Variants in APOOL observed in about 807,000 individuals in gnomAD.
The protein encoded by APOOL is MICOS complex subunit MIC27.
A neutral mutation model predicts 23.1 loss-of-function variants in APOOL; 12 were observed. The observed-to-expected ratio is 0.52, with a 90% CI of 0.33 to 0.84. APOOL has a LOEUF of 0.84. Ranked by LOEUF, APOOL falls within the 40% of genes least tolerant of loss-of-function variation. APOOL has a pLI of 0.02. For missense variants in APOOL, 212 were observed against 199.6 expected (o/e 1.06, Z -0.37); for synonymous variants, 77 against 69.9 (o/e 1.10, Z -0.51).
At chrX:85,075,721 C>T (rs1923815180) in intron 8 of APOOL, among the ~76,000 whole-genome samples, 1 of 111,503 alleles carries the variant, frequency 9.0e-6, no homozygotes, top group Non-Finnish European at 1.9e-5. Flanking sequence ...CAAAACCTTT[C>T]CAAGCTAATG....
chrX:85,020,643 A>C (rs1921631230), intron 1 of APOOL, among the ~76,000 whole-genome samples: 1 of 111,021 alleles, frequency 9.0e-6, no homozygotes. Context: ...CAGGTTCTGG[A>C]CTGTCCTCAA....
In APOOL at chrX:85,093,189, C is replaced by T. The variant is rs768717647; in HGVS notation, c.*5511C>T. Reference sequence around the variant, plus strand: ...AATACTAATTGTAATACATACCTGACTTAGCCTCTTCAGCATTTCAGCTCC... The same window carrying T: ...AATACTAATTGTAATACATACCTGATTTAGCCTCTTCAGCATTTCAGCTCC... On this transcript the variant is annotated 3_prime_UTR_variant, in exon 9 of 9. Transcript: ENST00000373173. 3 of 1,163,225 alleles carry T rather than the reference C, an allele frequency of 2.6e-6. No homozygotes were observed. The highest frequency in any genetic ancestry group is 3.5e-6 in the Non-Finnish European group (3 of 869,334).
rs1211563679 is a variant in APOOL at position 85,090,851 on chromosome X, C to T, written c.*3173C>T. 1 of 111,898 alleles carries T rather than the reference C, an allele frequency of 8.9e-6. No homozygotes were observed. Among genetic ancestry groups the T allele is most frequent in the Non-Finnish European group, 1.9e-5 (1 of 53,265 alleles). The allele number at this position is 111,898 out of a possible 1,213,427, so 9.2% of individuals were successfully genotyped here. A position where few individuals can be genotyped will look rare whatever the true frequency, so the allele number is the denominator to read the frequency against. On this transcript the variant is annotated 3_prime_UTR_variant, in exon 9 of 9. Transcript: ENST00000373173. ...TTTAGAGATAGGTATTGCTATGTTG[C>T]CCAGGCTGGTCTCAAACTCATGGCC...
chrX:85,033,213 T>C (rs1349523323), intron 1 of APOOL, among the ~76,000 whole-genome samples: 1 of 112,247 alleles, frequency 8.9e-6, no homozygotes, highest in Non-Finnish European at 1.9e-5. Context: ...CTGGTATTTG[T>C]GTTCTTTACT....
Position 85,042,703 on chromosome X carries a change from A to G in APOOL, c.16-3743A>G, listed in dbSNP as rs899614567. Among the ~76,000 whole-genome samples the G allele has an allele frequency of 8.0e-5, 9 of 112,027 alleles. No individual in the cohort carries two copies. In the East Asian group the frequency reaches 2.3e-3, roughly 28 times the overall value. On this transcript the variant is annotated intron_variant, in intron 1 of 8. Coordinates refer to ENST00000373173, the MANE Select transcript of APOOL (RefSeq NM_198450.6). ...ATCCTCAACAAAATACCAGCAAATC[A>G]AATTCCAAAACACATTCAAAAGATC... is the stretch of plus-strand genomic sequence containing the variant.
intron 1 of APOOL, among the ~76,000 whole-genome samples, chrX:85,005,067 G>A (rs751964333): frequency 9.0e-6 from 1 of 111,277 alleles, no homozygotes; most frequent in Non-Finnish European, 1.9e-5. Flanking sequence ...AGCTATTTGT[G>A]TACAGCCTCC....
intron 5 of APOOL, among the ~76,000 whole-genome samples, chrX:85,056,810 A>G (rs1182944109): frequency 1.8e-5 from 2 of 111,941 alleles, no homozygotes; most frequent in Non-Finnish European, 3.8e-5. Context: ...TAATATATAC[A>G]TAGAGTCATG....
intron 5 of APOOL, among the ~76,000 whole-genome samples, chrX:85,060,976 C>T (rs924480069): frequency 9.0e-6 from 1 of 111,390 alleles, no homozygotes; most frequent in South Asian, 3.8e-4. Flanking sequence ...AAAGGGAATG[C>T]TTCCAGTTTT....
chrX:85,051,331 G>A (rs1053711501), intron 2 of APOOL, 58 bp from the exon 3 acceptor site: 16 of 1,167,567 alleles, frequency 1.4e-5, no homozygotes, highest in Admixed American at 4.5e-5. Flanking sequence ...CTGCCATACC[G>A]CTGTTATGGA....
At chrX:85,065,469 G>A (rs1422259899) in intron 5 of APOOL, among the ~76,000 whole-genome samples, 1 of 111,824 alleles carries the variant, frequency 8.9e-6, no homozygotes. Flanking sequence ...TTGCTTCATA[G>A]TGTCATTGGT....
chrX:85,054,516 C>T, intron 4 of APOOL, 118 bp downstream of exon 4: 3 of 471,525 alleles, frequency 6.4e-6, no homozygotes, highest in Non-Finnish European at 6.5e-6. Context: ...TCAGAAGGTA[C>T]TCTCTATAGC....
chrX:85,057,949 G>T (rs182269396), intron 5 of APOOL, among the ~76,000 whole-genome samples: 1 of 110,923 alleles, frequency 9.0e-6, no homozygotes, highest in Non-Finnish European at 1.9e-5. Flanking sequence ...GTCATTCACC[G>T]TGTTTTCAAA....
At chrX:85,084,325 C>T (rs936736069) in intron 8 of APOOL, among the ~76,000 whole-genome samples, 3 of 108,842 alleles carry the variant, frequency 2.8e-5, no homozygotes, top group Admixed American at 9.9e-5. Context: ...TTGGTAGAGA[C>T]GGGCTTTCAC....
At chrX:85,068,064 A>G (rs1236723127) in intron 6 of APOOL, among the ~76,000 whole-genome samples, 1 of 112,036 alleles carries the variant, frequency 8.9e-6, no homozygotes, top group East Asian at 2.8e-4. Context: ...ATGTGATCAA[A>G]CTATAAAAGC....
chrX:85,091,230 C>T lies in APOOL; in HGVS notation c.*3552C>T, dbSNP rs1020591965. ...GTGCCATTGCACTTCAGCCTGGGCA[C>T]AAGAACAAAACTCAGTCTCAAAAAA... is the stretch of plus-strand genomic sequence containing the variant. On this transcript the variant is annotated 3_prime_UTR_variant, in exon 9 of 9. Transcript: ENST00000373173. The T allele has an allele frequency of 9.0e-6, 1 of 111,697 alleles. No individual in the cohort carries two copies. The highest frequency in any genetic ancestry group is 3.3e-5 in the African/African-American group (1 of 30,714). 9.2% of individuals were successfully genotyped at this position (111,697 alleles called of 1,213,427 possible).
chrX:85,060,757 G>A lies in APOOL; in HGVS notation c.394+4832G>A, dbSNP rs999402611. On this transcript the variant is annotated intron_variant, in intron 5 of 8. Transcript: ENST00000373173. ...TATCCTGAGACTTTGCTGAAGTTGC[G>A]TATCAGCTTTAGGAGATTTTGGGCT... is the stretch of plus-strand genomic sequence containing the variant. Among the ~76,000 whole-genome samples the A allele has an allele frequency of 7.2e-5, 8 of 111,537 alleles. No homozygotes were observed. In the East Asian group the frequency reaches 2.0e-3, roughly 27 times the overall value.
chrX:85,067,916 G>T (rs1463913307), intron 6 of APOOL, among the ~76,000 whole-genome samples: 1 of 110,652 alleles, frequency 9.0e-6, no homozygotes, highest in African/African-American at 3.3e-5. Flanking sequence ...CCTCATGCTT[G>T]AAACAATGTG....
At position 85,046,530 on chromosome X, in the gene APOOL, C is replaced by G; in HGVS notation, c.100C>G (p.Gln34Glu). ...AGCCAAACAAGAGGAATCCAAAAAG[C>G]AGCTAGTGAAACCAGAGCAGGTAAT... ...HAAKQEESKK[Q>E]LVKPEQLPIY... The change falls in exon 2 of 9, where the codon CAG becomes GAG. Residue 34 changes from glutamine to glutamate, a missense_variant. Coordinates refer to ENST00000373173, the MANE Select transcript of APOOL (RefSeq NM_198450.6). 1 of 1,207,573 alleles carries G rather than the reference C, an allele frequency of 8.3e-7. No homozygotes were observed. Among genetic ancestry groups the G allele is most frequent in the Non-Finnish European group, 1.1e-6 (1 of 892,742 alleles).
intron 6 of APOOL, among the ~76,000 whole-genome samples, chrX:85,070,625 A>C (rs1028890168): frequency 2.7e-5 from 3 of 111,483 alleles, no homozygotes; most frequent in African/African-American, 9.8e-5. Context: ...ATGATTTGAC[A>C]TACATATACA....
Sources: allele counts gnomAD v4.1 joint callset (sites outside exome capture counted in the v4.1 genomes callset), GRCh38; gene constraint gnomAD v4.1.1; transcripts MANE v1.5; gene names NCBI Gene and HGNC (gene_info 2026-07-23, HGNC 2026-07-21).